The following PLXDC2 variants were observed in gnomAD, a reference collection of about 807,000 sequenced individuals.
PLXDC2 encodes plexin domain containing 2, also known as plexin domain-containing protein 2.
A neutral mutation model predicts 68.9 loss-of-function variants in PLXDC2; 40 were observed. The observed-to-expected ratio is 0.58, with a 90% CI of 0.45 to 0.76. The LOEUF (loss-of-function observed/expected upper bound fraction) is 0.76, where lower values mean the gene tolerates loss of function less well. PLXDC2 is among the 30% of genes least tolerant of loss of function. PLXDC2 has a pLI of 0.00. For synonymous variants in PLXDC2, 243 were observed against 234.2 expected (o/e 1.04, Z -0.34); for missense variants, 644 against 661.9 (o/e 0.97, Z 0.30).
intron 1 of PLXDC2, among the ~76,000 whole-genome samples, chr10:20,001,386 A>C (rs1444001170): frequency 6.6e-6 from 1 of 152,088 alleles, no homozygotes; most frequent in Non-Finnish European, 1.5e-5. Flanking sequence ...TATTTTCAAA[A>C]TAATCTGACA....
At chr10:20,276,778 C>T (rs1030878064) in intron 13 of PLXDC2, among the ~76,000 whole-genome samples, 1 of 152,038 alleles carries the variant, frequency 6.6e-6, no homozygotes, top group Non-Finnish European at 1.5e-5. Flanking sequence ...CTCTGAAATC[C>T]CTGGCTGTGC....
chr10:19,993,623 T>C (rs1025683215), intron 1 of PLXDC2, among the ~76,000 whole-genome samples: 1 of 152,158 alleles, frequency 6.6e-6, no homozygotes, highest in African/African-American at 2.4e-5. Flanking sequence ...TTTCACCATG[T>C]TGGCTAGGCT....
chr10:20,242,354 C>CA (rs1835527819), intron 12 of PLXDC2, among the ~76,000 whole-genome samples: 1 of 152,088 alleles, frequency 6.6e-6, no homozygotes, highest in Non-Finnish European at 1.5e-5. Flanking sequence ...CATAATATCT[C>CA]AATATTCATT....
chr10:19,853,098 A>T (rs574166445), intron 1 of PLXDC2, among the ~76,000 whole-genome samples: 1 of 152,222 alleles, frequency 6.6e-6, no homozygotes. Flanking sequence ...ACAGATAAAG[A>T]TAATACAGAA....
At chr10:20,160,910 G>C (rs1271590100) in intron 6 of PLXDC2, among the ~76,000 whole-genome samples, 6 of 152,060 alleles carry the variant, frequency 3.9e-5, no homozygotes. Flanking sequence ...TATTGCTTAA[G>C]CCCAGGTGTT....
At chr10:20,123,761 G>A (rs1002100706) in intron 4 of PLXDC2, among the ~76,000 whole-genome samples, 26 of 151,978 alleles carry the variant, frequency 1.7e-4, no homozygotes, top group African/African-American at 6.3e-4. Flanking sequence ...CGAGGTCAGG[G>A]CACGGAAATA....
At chr10:20,036,887 T>C (rs57949046) in intron 2 of PLXDC2, among the ~76,000 whole-genome samples, 2,693 of 152,296 alleles carry the variant, frequency 0.018, 75 homozygotes, top group African/African-American at 0.061. Flanking sequence ...TCAACAAGGA[T>C]GATTATGTAA....
chr10:20,023,770 G>A (rs4747390), intron 2 of PLXDC2, among the ~76,000 whole-genome samples: 127,312 of 152,012 alleles, frequency 0.84, 53,651 homozygotes, highest in African/African-American at 0.9. Context: ...TCAAAAAAAT[G>A]TTTTATTAAA....
intron 1 of PLXDC2, 105 bp downstream of exon 1, chr10:19,817,296 T>C (rs1465675017): frequency 1.1e-6 from 1 of 938,182 alleles, no homozygotes; most frequent in African/African-American, 1.6e-5. Context: ...TATCTGCCCT[T>C]GGGAAACTTA....
rs1382310668 is a variant in PLXDC2, at chr10:20,288,817, T to C, written c.*8998T>C. On this transcript the variant is annotated 3_prime_UTR_variant, in exon 14 of 14. Transcript: ENST00000377252. Reference sequence around the variant, plus strand: ...ATAGTTTGATAAGAAATTTAGTGTATTGACTGCCTCAGTGACACAATTTAT... The same window carrying C: ...ATAGTTTGATAAGAAATTTAGTGTACTGACTGCCTCAGTGACACAATTTAT... The C allele has an allele frequency of 1.3e-5, 2 of 152,186 alleles. No individual in the cohort carries two copies. The highest frequency in any genetic ancestry group is 4.8e-5 in the African/African-American group (2 of 41,440). The allele number at this position is 152,186 out of a possible 1,614,324, so 9.4% of individuals were successfully genotyped here. A position where few individuals can be genotyped will look rare whatever the true frequency, so the allele number is the denominator to read the frequency against.
chr10:19,856,987 A>G, intron 1 of PLXDC2, among the ~76,000 whole-genome samples: 1 of 152,140 alleles, frequency 6.6e-6, no homozygotes. Flanking sequence ...TGGCTCTTTT[A>G]TTTTTAAAGT....
At chr10:20,100,442 A>AT (rs893348890) in intron 4 of PLXDC2, among the ~76,000 whole-genome samples, 24 of 151,770 alleles carry the variant, frequency 1.6e-4, no homozygotes, top group Admixed American at 7.9e-4. Context: ...GATGTCAGTG[A>AT]TTTTTTTTTC....
intron 8 of PLXDC2, 90 bp downstream of exon 8, chr10:20,177,184 A>C: frequency 7.4e-7 from 1 of 1,355,240 alleles, no homozygotes; most frequent in Non-Finnish European, 1.1e-6. Flanking sequence ...ATATTAAATA[A>C]TTACCATTAT....
chr10:19,943,281 T>TA (rs11463851), intron 1 of PLXDC2, among the ~76,000 whole-genome samples: 74,141 of 151,856 alleles, frequency 0.49, 18,787 homozygotes, highest in African/African-American at 0.62. Flanking sequence ...AACATTAGGA[T>TA]TTTTTCAGTA....
chr10:19,952,039 G>C (rs1445491709), intron 1 of PLXDC2, among the ~76,000 whole-genome samples: 1 of 152,050 alleles, frequency 6.6e-6, no homozygotes, highest in African/African-American at 2.4e-5. Context: ...AAACTACTGG[G>C]TACTATGCTC....
At chr10:19,882,170 A>G (rs2131351350) in intron 1 of PLXDC2, among the ~76,000 whole-genome samples, 1 of 152,340 alleles carries the variant, frequency 6.6e-6, no homozygotes, top group Middle Eastern at 3.4e-3. Flanking sequence ...TTGACTGTTT[A>G]AAATAAGATT....
chr10:19,872,143 G>A (rs1232387526), intron 1 of PLXDC2, among the ~76,000 whole-genome samples: 1 of 152,172 alleles, frequency 6.6e-6, no homozygotes, highest in African/African-American at 2.4e-5. Flanking sequence ...ACAGGTTAAA[G>A]AAGAAATTTC....
intron 9 of PLXDC2, among the ~76,000 whole-genome samples, chr10:20,195,640 C>G (rs1038716971): frequency 8.5e-5 from 13 of 152,056 alleles, no homozygotes; most frequent in African/African-American, 3.1e-4. Context: ...TCTCAACACT[C>G]CAAATTAAAT....
At chr10:20,196,453 A>ACCTTCTAT (rs1321539058) in intron 9 of PLXDC2, among the ~76,000 whole-genome samples, 1 of 152,144 alleles carries the variant, frequency 6.6e-6, no homozygotes, top group East Asian at 1.9e-4. Context: ...TTTGTTGAGC[A>ACCTTCTAT]CCTTCTATGT....
Sources: gnomAD v4.1 joint callset for allele counts (sites outside exome capture counted in the v4.1 genomes callset) on GRCh38, gnomAD v4.1.1 for gene constraint, MANE v1.5 for transcripts, NCBI Gene and HGNC (gene_info 2026-07-23, HGNC 2026-07-21) for gene names.